ZNF385C: variants seen among roughly 807,000 people sequenced by gnomAD.
ZNF385C encodes zinc finger protein 385C.
Under a neutral mutation model 35.4 loss-of-function variants are expected in ZNF385C, and 28 were observed. The ratio of observed to expected loss-of-function variants is 0.79; its 90% CI spans 0.59 to 1.08. The LOEUF (loss-of-function observed/expected upper bound fraction) is 1.08, where lower values mean the gene tolerates loss of function less well. Ranked by LOEUF, ZNF385C falls within the 50% of genes least tolerant of loss-of-function variation. The pLI, the probability that ZNF385C is intolerant of heterozygous loss-of-function variation, is 0.00. For synonymous variants in ZNF385C, 248 were observed against 248.2 expected, an observed-to-expected ratio of 1.00 and a Z score of 0.01; for missense variants, 605 against 595.6, an observed-to-expected ratio of 1.02 and a Z score of -0.16.
chr17:42,076,215 C>T (rs1170526050), intron 1 of ZNF385C, among the ~76,000 whole-genome samples: 3 of 152,182 alleles, frequency 2.0e-5, no homozygotes, highest in Non-Finnish European at 4.4e-5. Context: ...AAAACACTGC[C>T]GTCTATTGTG....
chr17:42,027,049 T>A lies in ZNF385C; in HGVS notation c.1360A>T (p.Ile454Phe), dbSNP rs1555654279. 1 of 1,608,682 alleles carries A rather than the reference T, an allele frequency of 6.2e-7. No homozygotes were observed. Among genetic ancestry groups the A allele is most frequent in the Admixed American group, 1.7e-5 (1 of 59,430 alleles). The change falls in exon 9 of 9, where the codon ATC (isoleucine) becomes TTC (phenylalanine). Residue 454 changes from isoleucine (I) to phenylalanine (F), a missense_variant. Physicochemically the swap from Ile to Phe is conservative, Grantham distance 21 (BLOSUM62 0). Coordinates refer to ENST00000692273, the MANE Select transcript of ZNF385C (RefSeq NM_001392013.1). ...GCCAGGGGCCCTGGCAGAGCACAGA[T>A]GGCAGTGGCTGCGGTGGGGAGCGGG... ...PSPLPTAATAICALPGPLALR... is the reference protein window; with the variant it reads ...PSPLPTAATAFCALPGPLALR...
intron 2 of ZNF385C, among the ~76,000 whole-genome samples, chr17:42,054,789 C>T (rs770469788): frequency 1.3e-4 from 20 of 152,016 alleles, no homozygotes; most frequent in Non-Finnish European, 2.5e-4. Context: ...ACCATGTTGG[C>T]TAGGGTGATC....
chr17:42,063,722 C>T (rs2053500943), intron 1 of ZNF385C, among the ~76,000 whole-genome samples: 1 of 152,130 alleles, frequency 6.6e-6, no homozygotes, highest in African/African-American at 2.4e-5. Context: ...AGTGGCAAGG[C>T]CAGCTGAGTC....
chr17:42,030,259 G>T (rs1028643762), intron 5 of ZNF385C, among the ~76,000 whole-genome samples: 3 of 152,142 alleles, frequency 2.0e-5, no homozygotes, highest in African/African-American at 7.2e-5. Flanking sequence ...GGAGGCCGAG[G>T]TGGGTGGATC....
At chr17:42,079,174 A>G (rs1270551859) in intron 1 of ZNF385C, among the ~76,000 whole-genome samples, 2 of 134,888 alleles carry the variant, frequency 1.5e-5, no homozygotes, top group Non-Finnish European at 3.2e-5. Flanking sequence ...AAACATGACA[A>G]AACCCTGTCT....
At chr17:42,073,391 C>G (rs1257045482) in intron 1 of ZNF385C, among the ~76,000 whole-genome samples, 1 of 151,988 alleles carries the variant, frequency 6.6e-6, no homozygotes, top group African/African-American at 2.4e-5. Flanking sequence ...TCAAAACCAC[C>G]CCATTGCACT....
chr17:42,043,123 T>G, intron 2 of ZNF385C: 1 of 1,232,200 alleles, frequency 8.1e-7, no homozygotes, highest in African/African-American at 1.5e-5. Flanking sequence ...AGCCTGGCGG[T>G]GGGCTCCTGA....
chr17:42,081,302 A>T (rs2053746345), intron 1 of ZNF385C, among the ~76,000 whole-genome samples: 1 of 152,172 alleles, frequency 6.6e-6, no homozygotes, highest in African/African-American at 2.4e-5. Context: ...CCTGAGGGAT[A>T]GGCCTGCCTG....
intron 2 of ZNF385C, 151 bp downstream of exon 2, chr17:42,062,656 G>T (rs1555658084): frequency 4.9e-6 from 2 of 404,674 alleles, no homozygotes; most frequent in Non-Finnish European, 8.7e-6. Context: ...CTGGCATCGG[G>T]GAGGCTTCAG....
At chr17:42,030,227 C>T (rs555388303) in intron 5 of ZNF385C, among the ~76,000 whole-genome samples, 7 of 152,136 alleles carry the variant, frequency 4.6e-5, no homozygotes, top group South Asian at 2.1e-4. Flanking sequence ...GGGTGGCTCA[C>T]GCCTGTAATC....
chr17:42,081,599 A>T (rs1555659710), intron 1 of ZNF385C, among the ~76,000 whole-genome samples: 1 of 151,852 alleles, frequency 6.6e-6, no homozygotes, highest in Non-Finnish European at 1.5e-5. Flanking sequence ...CTGGTCTCGA[A>T]CTCCTGACCT....
chr17:42,057,972 C>T (rs2053406651), intron 2 of ZNF385C, among the ~76,000 whole-genome samples: 1 of 151,872 alleles, frequency 6.6e-6, no homozygotes, highest in African/African-American at 2.4e-5. Flanking sequence ...GAAAGGGCTT[C>T]CTGGGCAGGA....
At chr17:42,030,629 T>C (rs1363521556) in intron 5 of ZNF385C, among the ~76,000 whole-genome samples, 2 of 151,914 alleles carry the variant, frequency 1.3e-5, no homozygotes, top group Non-Finnish European at 2.9e-5. Context: ...ATCAGAGGGG[T>C]TGTAGTTAGT....
At chr17:42,049,867 T>C (rs1036967327) in intron 2 of ZNF385C, among the ~76,000 whole-genome samples, 1 of 152,218 alleles carries the variant, frequency 6.6e-6, no homozygotes, top group Non-Finnish European at 1.5e-5. Flanking sequence ...AATAAAACAT[T>C]AGCATTCAGC....
rs35591351 is a variant in ZNF385C, at chr17:42,089,642, C to CT, written c.-3+8767dup. ...AAAGAATCAAATCTTGACCACGAAT[C>CT]TTTTTTTTTGGTTTTAATTTAAATC... On this transcript the variant is annotated intron_variant, in intron 1 of 8. Coordinates refer to ENST00000692273, the MANE Select transcript of ZNF385C (RefSeq NM_001392013.1). Among the ~76,000 whole-genome samples, 42 of 151,642 alleles carry CT rather than the reference C, an allele frequency of 2.8e-4. No homozygotes were observed. The South Asian group carries it at 3.1e-3, about 11-fold the overall frequency.
intron 2 of ZNF385C, among the ~76,000 whole-genome samples, chr17:42,051,475 C>T (rs1216788687): frequency 1.3e-5 from 2 of 151,962 alleles, no homozygotes; most frequent in Admixed American, 1.3e-4. Context: ...ATATTTAACT[C>T]TGAGGCCTTG....
intron 2 of ZNF385C, among the ~76,000 whole-genome samples, chr17:42,043,797 A>G (rs2053084589): frequency 6.6e-6 from 1 of 152,156 alleles, no homozygotes; most frequent in Non-Finnish European, 1.5e-5. Flanking sequence ...CTTTCCACCC[A>G]GGACAAGGCA....
At chr17:42,060,448 C>T (rs1319619539) in intron 2 of ZNF385C, among the ~76,000 whole-genome samples, 2 of 152,224 alleles carry the variant, frequency 1.3e-5, no homozygotes, top group Non-Finnish European at 1.5e-5. Context: ...GTCCTCTCCA[C>T]ACCCTGCACA....
rs546041925 is a variant in ZNF385C at position 42,074,192 on chromosome 17, C to T, written c.-2-11134G>A. ...TGTTTGCACCCTGACCTGTCTCCCCCATGAGGGCAGGGCCCTTATTTCCCA... is the reference window on the plus strand; with the variant it reads ...TGTTTGCACCCTGACCTGTCTCCCCTATGAGGGCAGGGCCCTTATTTCCCA... On this transcript the variant is annotated intron_variant, in intron 1 of 8. Transcript: ENST00000692273. 2.6e-4 allele frequency among the ~76,000 whole-genome samples: 39 copies of T among 152,364 alleles called. 1 individual carries two copies. The highest frequency in any genetic ancestry group is 9.1e-4 in the African/African-American group (38 of 41,586).
Sources: allele counts gnomAD v4.1 joint callset (sites outside exome capture counted in the v4.1 genomes callset), GRCh38; gene constraint gnomAD v4.1.1; transcripts MANE v1.5; gene names NCBI Gene and HGNC (gene_info 2026-07-23, HGNC 2026-07-21).